Variants in CDH12 observed in about 807,000 individuals in gnomAD.
The protein encoded by CDH12 is cadherin 12.
Under a neutral mutation model 74.1 loss-of-function variants are expected in CDH12, and 41 were observed. The ratio of observed to expected loss-of-function variants is 0.55; its 90% CI spans 0.43 to 0.72. The LOEUF (loss-of-function observed/expected upper bound fraction) is 0.72, where lower values mean the gene tolerates loss of function less well. CDH12 is among the 30% of genes least tolerant of loss of function. CDH12 has a pLI of 0.00. For missense variants in CDH12, 945 were observed against 977.2 expected, an observed-to-expected ratio of 0.97 and a Z score of 0.44; for synonymous variants, 399 against 355.0, an observed-to-expected ratio of 1.12 and a Z score of -1.39.
intron 3 of CDH12, among the ~76,000 whole-genome samples, chr5:22,295,776 A>G (rs79028299): frequency 0.04 from 6,128 of 152,168 alleles, 436 homozygotes; most frequent in African/African-American, 0.14. Flanking sequence ...AGTATAGGCT[A>G]TATGAAATTT....
intron 1 of CDH12, among the ~76,000 whole-genome samples, chr5:22,770,974 G>A (rs369645379): frequency 1.3e-3 from 204 of 151,998 alleles, no homozygotes; most frequent in African/African-American, 4.5e-3. Flanking sequence ...ACTGTACCAC[G>A]CTAAGTTATA....
At chr5:21,753,137 C>A (rs1744193691) in intron 14 of CDH12, among the ~76,000 whole-genome samples, 1 of 152,188 alleles carries the variant, frequency 6.6e-6, no homozygotes, top group South Asian at 2.1e-4. Context: ...CCCTCTCCTC[C>A]ATAGTGGTGT....
At chr5:22,308,168 C>A (rs1738209613) in intron 3 of CDH12, among the ~76,000 whole-genome samples, 2 of 151,934 alleles carry the variant, frequency 1.3e-5, no homozygotes, top group South Asian at 4.1e-4. Context: ...GCGTGAGCCC[C>A]CCGCGCCTGG....
chr5:22,225,271 T>C (rs763720535), intron 3 of CDH12, among the ~76,000 whole-genome samples: 2 of 152,236 alleles, frequency 1.3e-5, no homozygotes, highest in East Asian at 3.9e-4. Flanking sequence ...CTCATTAACA[T>C]GTGTTTTCCT....
intron 6 of CDH12, among the ~76,000 whole-genome samples, chr5:21,950,422 A>G (rs1755798320): frequency 6.6e-6 from 1 of 152,260 alleles, no homozygotes; most frequent in South Asian, 2.1e-4. Flanking sequence ...GACACAGAGG[A>G]ATAAGAAACA....
chr5:22,167,359 T>C (rs943096594), intron 4 of CDH12, among the ~76,000 whole-genome samples: 4 of 152,192 alleles, frequency 2.6e-5, no homozygotes, highest in Non-Finnish European at 5.9e-5. Context: ...GGAATTGGAA[T>C]GACCTTACTC....
At chr5:21,905,680 C>T (rs1254531697) in intron 6 of CDH12, among the ~76,000 whole-genome samples, 2 of 152,154 alleles carry the variant, frequency 1.3e-5, no homozygotes, top group Non-Finnish European at 2.9e-5. Flanking sequence ...TCACAGATAT[C>T]GCAATTGTCT....
intron 1 of CDH12, among the ~76,000 whole-genome samples, chr5:22,549,931 G>A (rs1003887522): frequency 6.6e-6 from 1 of 152,128 alleles, no homozygotes; most frequent in African/African-American, 2.4e-5. Flanking sequence ...TTCCTAGTTT[G>A]TTGTTTCATT....
chr5:22,327,452 G>A (rs1395272622), intron 3 of CDH12, among the ~76,000 whole-genome samples: 3 of 151,776 alleles, frequency 2.0e-5, no homozygotes, highest in Non-Finnish European at 4.4e-5. Context: ...GTGTGTGTGT[G>A]TGTGTGTGTG....
chr5:22,055,997 T>C (rs1055829242), intron 5 of CDH12, among the ~76,000 whole-genome samples: 10 of 152,146 alleles, frequency 6.6e-5, no homozygotes, highest in African/African-American at 2.4e-4. Context: ...AAATATAAAG[T>C]CTTTTTTGCA....
At chr5:22,059,255 CTAT>C (rs1196719121) in intron 5 of CDH12, among the ~76,000 whole-genome samples, 7 of 111,812 alleles carry the variant, frequency 6.3e-5, no homozygotes, top group Admixed American at 2.6e-4. Flanking sequence ...TCCTTGTACT[CTAT>C]CTATCTATCT....
At chr5:21,980,580 A>G (rs1380263993) in intron 5 of CDH12, among the ~76,000 whole-genome samples, 1 of 152,078 alleles carries the variant, frequency 6.6e-6, no homozygotes, top group Non-Finnish European at 1.5e-5. Context: ...GCTCATAACC[A>G]TTCATTTCCC....
At chr5:22,260,796 C>A (rs1032179718) in intron 3 of CDH12, among the ~76,000 whole-genome samples, 8 of 152,056 alleles carry the variant, frequency 5.3e-5, no homozygotes, top group East Asian at 1.9e-4. Context: ...AAGACGTTGA[C>A]ATATTTTACA....
chr5:22,742,611 T>A (rs1485552223), intron 1 of CDH12, among the ~76,000 whole-genome samples: 2 of 152,076 alleles, frequency 1.3e-5, no homozygotes, highest in Admixed American at 1.3e-4. Flanking sequence ...ACATTCAGAA[T>A]CAACTAATCA....
intron 4 of CDH12, among the ~76,000 whole-genome samples, chr5:22,195,715 C>A (rs1163708741): frequency 6.6e-6 from 1 of 152,152 alleles, no homozygotes; most frequent in African/African-American, 2.4e-5. Flanking sequence ...CACTCTATTG[C>A]CACCAAATTT....
intron 4 of CDH12, among the ~76,000 whole-genome samples, chr5:22,152,921 T>C (rs573925455): frequency 3.5e-4 from 54 of 152,338 alleles, no homozygotes; most frequent in African/African-American, 1.2e-3. Context: ...GGTTCATCCA[T>C]GTGCAACCCC....
At chr5:22,162,919 C>T (rs1190020411) in intron 4 of CDH12, among the ~76,000 whole-genome samples, 2 of 113,186 alleles carry the variant, frequency 1.8e-5, no homozygotes. Flanking sequence ...TTTTTTGAGA[C>T]AGAGTCTCGC....
chr5:22,058,646 C>G (rs116005222), intron 5 of CDH12, among the ~76,000 whole-genome samples: 1,060 of 93,830 alleles, frequency 0.011, 5 homozygotes, highest in African/African-American at 0.045. Flanking sequence ...TTTTAATGTA[C>G]AAAGAAGGAA....
At chr5:22,546,064 C>T (rs1227936741) in intron 1 of CDH12, among the ~76,000 whole-genome samples, 2 of 152,036 alleles carry the variant, frequency 1.3e-5, no homozygotes, top group East Asian at 3.9e-4. Context: ...CCTGCCTCAG[C>T]CTCCCAAGTA....
Sources: allele counts gnomAD v4.1 joint callset (sites outside exome capture counted in the v4.1 genomes callset), GRCh38; gene constraint gnomAD v4.1.1; transcripts MANE v1.5; gene names NCBI Gene and HGNC (gene_info 2026-07-23, HGNC 2026-07-21).